WWOX: variants seen among roughly 807,000 people sequenced by gnomAD.
WWOX encodes the protein WW domain containing oxidoreductase.
A neutral mutation model predicts 46.2 loss-of-function variants in WWOX; 69 were observed. The ratio of observed to expected loss-of-function variants is 1.49; its 90% CI spans 1.23 to 1.82. The LOEUF is 1.82. Among genes scored for constraint, WWOX ranks in the 40% most tolerant of loss-of-function variants. WWOX has a pLI of 0.00. For missense variants in WWOX, 919 were observed against 542.6 expected (o/e 1.69, Z -6.89); for synonymous variants, 359 against 202.6 (o/e 1.77, Z -6.56).
chr16:79,003,529 G>C (rs113221145), intron 8 of WWOX, among the ~76,000 whole-genome samples: 1 of 152,186 alleles, frequency 6.6e-6, no homozygotes, highest in Admixed American at 6.5e-5. Context: ...GGTTTGGCTG[G>C]TTGAGTCTCC....
At chr16:78,968,065 G>A (rs1470944209) in intron 8 of WWOX, among the ~76,000 whole-genome samples, 9 of 151,348 alleles carry the variant, frequency 5.9e-5, no homozygotes, top group African/African-American at 2.0e-4. Context: ...GGCACAGTGT[G>A]TGGTCTGTAT....
At chr16:78,470,586 A>T (rs539338723) in intron 8 of WWOX, among the ~76,000 whole-genome samples, 1 of 152,054 alleles carries the variant, frequency 6.6e-6, no homozygotes, top group Non-Finnish European at 1.5e-5. Context: ...CTGGAGTGCA[A>T]TGGCACCATC....
intron 8 of WWOX, among the ~76,000 whole-genome samples, chr16:78,916,297 T>C (rs1400835064): frequency 6.6e-6 from 1 of 152,188 alleles, no homozygotes; most frequent in Non-Finnish European, 1.5e-5. Flanking sequence ...ATGGAGACCC[T>C]GTTTCAGAGG....
intron 8 of WWOX, among the ~76,000 whole-genome samples, chr16:78,949,733 G>T (rs909916407): frequency 6.6e-6 from 1 of 152,130 alleles, no homozygotes; most frequent in African/African-American, 2.4e-5. Context: ...TCTACCTTGC[G>T]GGGCAAACAC....
At chr16:79,167,104 C>T (rs1207697387) in intron 8 of WWOX, among the ~76,000 whole-genome samples, 1 of 152,064 alleles carries the variant, frequency 6.6e-6, no homozygotes, top group Non-Finnish European at 1.5e-5. Context: ...CCACGGCCGG[C>T]TAATTTTTTT....
At chr16:78,148,040 C>T (rs1597267896) in intron 4 of WWOX, among the ~76,000 whole-genome samples, 1 of 151,890 alleles carries the variant, frequency 6.6e-6, no homozygotes, top group African/African-American at 2.4e-5. Flanking sequence ...TAACGGAGGC[C>T]TCAATGGTGA....
At chr16:78,837,701 T>G (rs559529973) in intron 8 of WWOX, among the ~76,000 whole-genome samples, 2 of 152,334 alleles carry the variant, frequency 1.3e-5, no homozygotes, top group South Asian at 4.1e-4. Context: ...ATTGAGTGAT[T>G]AGAAATCCAA....
chr16:78,694,593 T>C (rs1003684763), intron 8 of WWOX, among the ~76,000 whole-genome samples: 1 of 152,156 alleles, frequency 6.6e-6, no homozygotes, highest in South Asian at 2.1e-4. Flanking sequence ...ACACAGTAAA[T>C]CCAGCCCATT....
At chr16:78,840,995 G>A (rs530617663) in intron 8 of WWOX, among the ~76,000 whole-genome samples, 4 of 152,064 alleles carry the variant, frequency 2.6e-5, no homozygotes, top group Admixed American at 6.6e-5. Flanking sequence ...CACTTAGCAG[G>A]TGGGGTCCAC....
In WWOX at chr16:78,922,763, C is replaced by T. The variant is rs191720398; in HGVS notation, c.1057-288845C>T. On this transcript the variant is annotated intron_variant, in intron 8 of 8. Transcript: ENST00000566780. ...TTACAGAGAAGGAAGCTGAGGCTCA[C>T]AGGTTTCACTCAAACCATAAAGCTC... is the stretch of plus-strand genomic sequence containing the variant. Among the ~76,000 whole-genome samples, 393 of 152,280 alleles carry T rather than the reference C, an allele frequency of 2.6e-3. 3 individuals carry two copies. Among genetic ancestry groups the T allele is most frequent in the African/African-American group, 9.2e-3 (383 of 41,566 alleles).
At chr16:78,572,529 GA>G (rs1364725961) in intron 8 of WWOX, among the ~76,000 whole-genome samples, 1 of 142,054 alleles carries the variant, frequency 7.0e-6, no homozygotes, top group East Asian at 2.1e-4. Context: ...CTTGAGCCGG[GA>G]AGGTCGAGGC....
chr16:79,073,121 A>G (rs1472282371), intron 8 of WWOX, among the ~76,000 whole-genome samples: 1 of 150,582 alleles, frequency 6.6e-6, no homozygotes, highest in Non-Finnish European at 1.5e-5. Context: ...AGAGCTTTCT[A>G]TCGCTTTTTT....
chr16:79,172,141 C>G (rs2050711669), intron 8 of WWOX, among the ~76,000 whole-genome samples: 1 of 152,090 alleles, frequency 6.6e-6, no homozygotes, highest in African/African-American at 2.4e-5. Flanking sequence ...TCTTGGGTTC[C>G]TGGTGGTTAG....
intron 1 of WWOX, among the ~76,000 whole-genome samples, chr16:78,105,444 G>A (rs1293508597): frequency 7.0e-6 from 1 of 143,792 alleles, no homozygotes; most frequent in African/African-American, 2.6e-5. Flanking sequence ...GGGTGACAGA[G>A]TGAGACTCTG....
rs151022662 is a variant in WWOX at position 79,195,686 on chromosome 16, G to A, written c.1057-15922G>A. Among the ~76,000 whole-genome samples the A allele has an allele frequency of 2.6e-5, 4 of 152,208 alleles. 1 individual carries two copies. Among genetic ancestry groups the A allele is most frequent in the Admixed American group, 1.3e-4 (2 of 15,290 alleles). ...AAAGGTAAGCCAGCTTGTCTAGACC[G>A]GGAGCTAGCTCCTTGTGAAGGAATG... On this transcript the variant is annotated intron_variant, in intron 8 of 8. Coordinates refer to ENST00000566780, the MANE Select transcript of WWOX (RefSeq NM_016373.4).
chr16:78,792,302 C>T (rs2050625781), intron 8 of WWOX, among the ~76,000 whole-genome samples: 2 of 152,116 alleles, frequency 1.3e-5, no homozygotes, highest in South Asian at 4.1e-4. Flanking sequence ...GCTGGAGTAA[C>T]CCAGCCCCAC....
chr16:79,016,212 C>G (rs190840108), intron 8 of WWOX: 6 of 152,330 alleles, frequency 3.9e-5, no homozygotes, highest in Non-Finnish European at 7.3e-5. Flanking sequence ...TTCTGTAATA[C>G]CTTGTACCCC....
chr16:79,074,229 A>ATT (rs150423729), intron 8 of WWOX, among the ~76,000 whole-genome samples: 32 of 151,748 alleles, frequency 2.1e-4, no homozygotes, highest in Admixed American at 1.0e-3. Flanking sequence ...CTGGATTTCT[A>ATT]TTTTTTTAAA....
intron 4 of WWOX, among the ~76,000 whole-genome samples, chr16:78,116,398 A>T (rs1003170768): frequency 2.6e-5 from 4 of 152,204 alleles, no homozygotes; most frequent in African/African-American, 9.7e-5. Context: ...GTGTTGTACA[A>T]GGTGTGAAAT....
Sources: allele counts gnomAD v4.1 joint callset (sites outside exome capture counted in the v4.1 genomes callset), GRCh38; gene constraint gnomAD v4.1.1; transcripts MANE v1.5; gene names NCBI Gene and HGNC (gene_info 2026-07-23, HGNC 2026-07-21).